The following SCML4 variants were observed in gnomAD, a reference collection of about 807,000 sequenced individuals.
SCML4 encodes the protein sex comb on midleg-like protein 4.
Under a neutral mutation model 41.1 loss-of-function variants are expected in SCML4, and 34 were observed. That is an observed-to-expected ratio of 0.83 (90% confidence interval 0.63 to 1.10). SCML4 has a LOEUF of 1.10. Among genes scored for constraint, SCML4 ranks in the 50% least tolerant of loss-of-function variants. The probability of loss-of-function intolerance (pLI) is 0.00; values close to 1 mark genes in which losing one functional copy is unlikely to be tolerated. For missense variants in SCML4, 522 were observed against 534.1 expected, an observed-to-expected ratio of 0.98 and a Z score of 0.22; for synonymous variants, 214 against 220.9, an observed-to-expected ratio of 0.97 and a Z score of 0.28.
intron 2 of SCML4, among the ~76,000 whole-genome samples, chr6:107,752,337 A>T (rs376050635): frequency 5.9e-5 from 9 of 152,142 alleles, no homozygotes; most frequent in East Asian, 5.8e-4. Context: ...AGGCAGTTGC[A>T]TCTAGTAGAG....
Position 107,746,669 on chromosome 6 carries a change from C to G in SCML4, c.487+20G>C. The G allele has an allele frequency of 6.2e-7, 1 of 1,608,200 alleles. No individual in the cohort carries two copies. The highest frequency in any genetic ancestry group is 8.5e-7 in the Non-Finnish European group (1 of 1,175,586). ...GAGAGACATCCATGGCCTCCTCATG[C>G]AACCTGCCCCAGGCCTTACCTGACA... On this transcript the variant is annotated intron_variant, in intron 4 of 7. Transcript: ENST00000369020.
chr6:107,816,261 C>T (rs1163146878), intron 1 of SCML4, among the ~76,000 whole-genome samples: 1 of 152,254 alleles, frequency 6.6e-6, no homozygotes, highest in Non-Finnish European at 1.5e-5. Flanking sequence ...CTTCCCTCCA[C>T]ATCCCTGAGC....
At chr6:107,798,903 C>G (rs1782902908) in intron 1 of SCML4, among the ~76,000 whole-genome samples, 1 of 152,040 alleles carries the variant, frequency 6.6e-6, no homozygotes, top group Non-Finnish European at 1.5e-5. Flanking sequence ...TTGGGGTTTT[C>G]CTGACGTTTC....
intron 6 of SCML4, among the ~76,000 whole-genome samples, chr6:107,715,895 C>T (rs555029740): frequency 3.4e-5 from 5 of 147,802 alleles, no homozygotes; most frequent in African/African-American, 1.3e-4. Context: ...TGGTTTATGA[C>T]TTGGGTCAAA....
chr6:107,815,864 G>A (rs1399344777), intron 1 of SCML4, among the ~76,000 whole-genome samples: 1 of 151,668 alleles, frequency 6.6e-6, no homozygotes, highest in Non-Finnish European at 1.5e-5. Context: ...GGGTCTGACA[G>A]GCCTAAAAGC....
chr6:107,788,587 T>C (rs1053837817), intron 1 of SCML4, among the ~76,000 whole-genome samples: 6 of 152,234 alleles, frequency 3.9e-5, no homozygotes, highest in Non-Finnish European at 5.9e-5. Context: ...TCCTCATCTT[T>C]TTCTACAGAG....
chr6:107,800,122 A>T (rs11962140), intron 1 of SCML4, among the ~76,000 whole-genome samples: 26,766 of 151,906 alleles, frequency 0.18, 2,921 homozygotes, highest in South Asian at 0.27. Context: ...AGTAGTTGGA[A>T]TAGACTATAG....
chr6:107,830,523 C>T, the SCML4 span, among the ~76,000 whole-genome samples: 4 of 152,144 alleles, frequency 2.6e-5, no homozygotes, highest in Admixed American at 2.6e-4. Flanking sequence ...CTGTTAATTC[C>T]AAGATGGCAG....
chr6:107,749,009 C>T (rs1008341642), intron 3 of SCML4, among the ~76,000 whole-genome samples: 9 of 152,082 alleles, frequency 5.9e-5, no homozygotes, highest in Admixed American at 3.9e-4. Flanking sequence ...AGGGCCTTGT[C>T]GGCCAGATTA....
At chr6:107,730,012 G>A (rs1776380674) in intron 5 of SCML4, among the ~76,000 whole-genome samples, 1 of 152,114 alleles carries the variant, frequency 6.6e-6, no homozygotes, top group South Asian at 2.1e-4. Context: ...CATGACTGCT[G>A]GACATGTACC....
chr6:107,758,558 G>C (rs764639212), intron 2 of SCML4, among the ~76,000 whole-genome samples: 2 of 152,204 alleles, frequency 1.3e-5, no homozygotes, highest in African/African-American at 4.8e-5. Context: ...GTTAAAATGA[G>C]TGCATACTGC....
intron 5 of SCML4, chr6:107,743,902 C>G (rs762219447): frequency 6.6e-6 from 1 of 152,198 alleles, no homozygotes; most frequent in Non-Finnish European, 1.5e-5. Flanking sequence ...TGATAAGTAT[C>G]CTTTTGTTGA....
chr6:107,819,666 CAAAAAA>C (rs56085566), intron 1 of SCML4, among the ~76,000 whole-genome samples: 14 of 130,596 alleles, frequency 1.1e-4, no homozygotes, highest in East Asian at 4.4e-4. Flanking sequence ...ATGCAACTGC[CAAAAAA>C]AAAAAAAAAA....
At chr6:107,839,383 AAGAAAGAAAGAAAGAAAGAAAGAAAG>A in the SCML4 span, among the ~76,000 whole-genome samples, 39 of 147,768 alleles carry the variant, frequency 2.6e-4, no homozygotes, top group African/African-American at 9.4e-4. Context: ...GAAAGAAAGA[AAGAAAGAAAGAAAGAAAGAAAGAAAG>A]AGGAAGAAGA....
At chr6:107,727,035 A>C (rs1776053198) in intron 5 of SCML4, among the ~76,000 whole-genome samples, 1 of 152,246 alleles carries the variant, frequency 6.6e-6, no homozygotes, top group South Asian at 2.1e-4. Context: ...AAAATTTAAG[A>C]ATCTGTTATA....
chr6:107,760,568 T>A (rs951960772), intron 2 of SCML4, among the ~76,000 whole-genome samples: 4 of 152,148 alleles, frequency 2.6e-5, no homozygotes, highest in African/African-American at 9.7e-5. Flanking sequence ...AGGCTATGAA[T>A]TTAATTAAAA....
intron 2 of SCML4, among the ~76,000 whole-genome samples, chr6:107,768,616 A>G (rs1780265856): frequency 6.6e-6 from 1 of 152,178 alleles, no homozygotes; most frequent in South Asian, 2.1e-4. Flanking sequence ...TGGTTCATTC[A>G]TGCCTAAGTC....
chr6:107,796,385 G>A (rs1384566041), intron 1 of SCML4, among the ~76,000 whole-genome samples: 2 of 152,154 alleles, frequency 1.3e-5, no homozygotes, highest in Non-Finnish European at 2.9e-5. Flanking sequence ...TGCAATTCCT[G>A]TATTATTAGA....
the SCML4 span, among the ~76,000 whole-genome samples, chr6:107,839,544 T>C: frequency 6.6e-6 from 1 of 152,326 alleles, no homozygotes; most frequent in South Asian, 2.1e-4. Flanking sequence ...AGAACAACTA[T>C]TTCTGATGAA....
Sources: gnomAD v4.1 joint callset for allele counts (sites outside exome capture counted in the v4.1 genomes callset) on GRCh38, gnomAD v4.1.1 for gene constraint, MANE v1.5 for transcripts, NCBI Gene and HGNC (gene_info 2026-07-23, HGNC 2026-07-21) for gene names.